Variants in CPB2 observed in about 807,000 individuals in gnomAD.
The protein encoded by CPB2 is carboxypeptidase B2, also known as carboxypeptidase B-like protein.
In CPB2, 54 loss-of-function variants were observed where a neutral mutation model predicts 57.0. That is an observed-to-expected ratio of 0.95 (90% CI 0.76 to 1.19). The LOEUF (loss-of-function observed/expected upper bound fraction) is 1.19, where lower values mean the gene tolerates loss of function less well. Among genes scored for constraint, CPB2 ranks in the 50% most tolerant of loss-of-function variants. CPB2 has a pLI of 0.00. For synonymous variants in CPB2, 189 were observed against 178.1 expected (o/e 1.06, Z -0.49); for missense variants, 426 against 512.0 (o/e 0.83, Z 1.62).
Position 46,087,833 on chromosome 13 carries a change from AT to A in CPB2, c.75-14del, listed in dbSNP as rs761827521. On this transcript the variant is annotated splice_polypyrimidine_tract_variant and intron_variant, in intron 1 of 10. Transcript: ENST00000181383. ...TAGAACTTGGCCACTGGGGAAAAAAATAAAAGAGGATTTTGATATTAAATAA... is the reference window on the plus strand; with the variant it reads ...TAGAACTTGGCCACTGGGGAAAAAAAAAAAGAGGATTTTGATATTAAATAA... The A allele has an allele frequency of 1.1e-4, 172 of 1,558,544 alleles. No homozygotes were observed. The African/African-American group carries it at 1.9e-3, about 18-fold the overall frequency.
At chr13:46,081,730 G>A (rs997217635) in intron 4 of CPB2, among the ~76,000 whole-genome samples, 2 of 152,086 alleles carry the variant, frequency 1.3e-5, no homozygotes, top group Admixed American at 6.5e-5. Flanking sequence ...TCATAAAAAG[G>A]CATCAAGGTA....
At chr13:46,054,966 G>A (rs1378166782) in intron 10 of CPB2, among the ~76,000 whole-genome samples, 1 of 151,430 alleles carries the variant, frequency 6.6e-6, no homozygotes, top group Non-Finnish European at 1.5e-5. Flanking sequence ...GGCCAGTCTG[G>A]TCTCGAACTC....
chr13:46,080,844 C>T (rs889464735), intron 4 of CPB2, among the ~76,000 whole-genome samples: 8 of 151,792 alleles, frequency 5.3e-5, no homozygotes, highest in African/African-American at 7.3e-5. Flanking sequence ...TGGTGGTATG[C>T]GCCTCTAGTC....
intron 4 of CPB2, among the ~76,000 whole-genome samples, chr13:46,081,463 A>G (rs2045116657): frequency 6.6e-6 from 1 of 152,084 alleles, no homozygotes; most frequent in Non-Finnish European, 1.5e-5. Context: ...TAAGTTGGAT[A>G]GATGTAGGAG....
At chr13:46,091,883 A>C (rs1475196824) in intron 1 of CPB2, among the ~76,000 whole-genome samples, 2 of 152,228 alleles carry the variant, frequency 1.3e-5, no homozygotes, top group Non-Finnish European at 2.9e-5. Context: ...AGTGATAAGG[A>C]GAGAAAGGAA....
At chr13:46,062,542 C>T (rs1304719793) in intron 8 of CPB2, among the ~76,000 whole-genome samples, 1 of 152,172 alleles carries the variant, frequency 6.6e-6, no homozygotes, top group Non-Finnish European at 1.5e-5. Flanking sequence ...CCTCTGGGAA[C>T]ACGAGTGGTT....
chr13:46,093,991 C>T (rs959701325), intron 1 of CPB2, among the ~76,000 whole-genome samples: 1 of 151,798 alleles, frequency 6.6e-6, no homozygotes, highest in Non-Finnish European at 1.5e-5. Context: ...CTTTTTAAAC[C>T]CAAAAGAACT....
In CPB2 at chr13:46,090,081, C is replaced by CA. The variant is rs1199936439; in HGVS notation, c.75-2262_75-2261insT. Among the ~76,000 whole-genome samples the CA allele has an allele frequency of 2.0e-5, 3 of 152,198 alleles. No homozygotes were observed. The East Asian group carries it at 5.8e-4, about 29-fold the overall frequency. On this transcript the variant is annotated intron_variant, in intron 1 of 10. Transcript: ENST00000181383. Reference sequence around the variant, plus strand: ...CTACCCTTGAGCCAATACTACTCATCTTAGTGATGGTAGCTTCATATTACA... The same window carrying CA: ...CTACCCTTGAGCCAATACTACTCATCATTAGTGATGGTAGCTTCATATTACA...
At chr13:46,061,280 C>T (rs946002277) in intron 8 of CPB2, among the ~76,000 whole-genome samples, 1 of 152,154 alleles carries the variant, frequency 6.6e-6, no homozygotes, top group Non-Finnish European at 1.5e-5. Context: ...AAGCCAGTTG[C>T]AAAAACTTTG....
rs1224816512 is a variant in CPB2, at chr13:46,053,620, A to G, written c.1266T>C (p.Asn422=). Residue 422 remains asparagine, a synonymous_variant, in exon 11 of 11, where the codon AAT becomes AAC. Coordinates refer to ENST00000181383, the MANE Select transcript of CPB2 (RefSeq NM_001872.5). Reference sequence around the variant, plus strand: ...AATGATAAAATCAGGGGCATTAAACATTCCTAATGACATGCCAAGCTATTT... The same window carrying G: ...AATGATAAAATCAGGGGCATTAAACGTTCCTAATGACATGCCAAGCTATTT... The part of the protein sequence containing the change: ...VSKIAWHVIR[N]V The G allele has an allele frequency of 3.1e-6, 5 of 1,613,076 alleles. No individual in the cohort carries two copies. Among genetic ancestry groups the G allele is most frequent in the Non-Finnish European group, 8.5e-7 (1 of 1,179,324 alleles).
chr13:46,083,789 T>C (rs1291134238), intron 3 of CPB2, among the ~76,000 whole-genome samples: 1 of 152,200 alleles, frequency 6.6e-6, no homozygotes, highest in African/African-American at 2.4e-5. Flanking sequence ...CAACCACCTG[T>C]TACACTTTTT....
chr13:46,104,507 A>G (rs1375963933), intron 1 of CPB2, among the ~76,000 whole-genome samples: 1 of 152,060 alleles, frequency 6.6e-6, no homozygotes, highest in Non-Finnish European at 1.5e-5. Context: ...CATGATCCAA[A>G]CCTCCTATTT....
chr13:46,077,456 A>T (rs1593899386), intron 5 of CPB2, among the ~76,000 whole-genome samples: 1 of 152,316 alleles, frequency 6.6e-6, no homozygotes, highest in East Asian at 1.9e-4. Flanking sequence ...AGAAAGGGGA[A>T]CCCTTGTACA....
In CPB2 at chr13:46,073,985, A is replaced by G. The variant is rs184370663; in HGVS notation, c.487-8T>C. The G allele has an allele frequency of 5.8e-6, 9 of 1,553,724 alleles. No individual in the cohort carries two copies. In the Admixed American group the frequency reaches 6.7e-5, roughly 12 times the overall value. ...TTGTTCTTTTCCAGAAACCTGCTCA[A>G]AGAAACCCCAAAAGTAGCAAAAACA... On this transcript the variant is annotated splice_polypyrimidine_tract_variant and splice_region_variant and intron_variant, in intron 5 of 10. Coordinates refer to ENST00000181383, the MANE Select transcript of CPB2 (RefSeq NM_001872.5).
intron 4 of CPB2, among the ~76,000 whole-genome samples, chr13:46,081,368 A>G (rs17844209): frequency 3.3e-5 from 5 of 150,682 alleles, no homozygotes; most frequent in African/African-American, 1.2e-4. Flanking sequence ...TTCACCTTTT[A>G]TGAAGGTGAA....
chr13:46,079,044 T>A, intron 4 of CPB2, 143 bp from the exon 5 acceptor site: 1 of 584,296 alleles, frequency 1.7e-6, no homozygotes, highest in Non-Finnish European at 3.0e-6. Flanking sequence ...GGGCAGGGTG[T>A]TTCTTCTGCT....
chr13:46,074,114 T>A, intron 5 of CPB2, 137 bp from the exon 6 acceptor site: 1 of 497,392 alleles, frequency 2.0e-6, no homozygotes, highest in Non-Finnish European at 3.5e-6. Context: ...TCTTTGAAAA[T>A]TCTCAAGGGA....
intron 1 of CPB2, chr13:46,099,297 TGGCAG>T (rs900840879): frequency 1.9e-4 from 29 of 152,286 alleles, no homozygotes; most frequent in African/African-American, 6.5e-4. Context: ...CCAGGACGAA[TGGCAG>T]GGTAGGACCT....
intron 10 of CPB2, among the ~76,000 whole-genome samples, chr13:46,054,497 C>A (rs1361331487): frequency 6.6e-6 from 1 of 152,026 alleles, no homozygotes; most frequent in Non-Finnish European, 1.5e-5. Context: ...TGTTAATAAT[C>A]CAATTAATTT....
Sources: allele counts gnomAD v4.1 joint callset (sites outside exome capture counted in the v4.1 genomes callset), GRCh38; gene constraint gnomAD v4.1.1; transcripts MANE v1.5; gene names NCBI Gene and HGNC (gene_info 2026-07-23, HGNC 2026-07-21).